IKBKB-DT: variants seen among roughly 807,000 people sequenced by gnomAD.
IKBKB-DT encodes IKBKB antisense RNA.
chr8:42,269,395 G>GA (rs796748304), intron 1 of IKBKB-DT, among the ~76,000 whole-genome samples: 2 of 125,046 alleles, frequency 1.6e-5, no homozygotes, highest in Non-Finnish European at 1.6e-5. Flanking sequence ...AGAAAGGAAA[G>GA]AAAAAAAAGA....
At chr8:42,238,023 T>TGAA (rs1806946806) in intron 3 of IKBKB-DT, among the ~76,000 whole-genome samples, 1 of 29,372 alleles carries the variant, frequency 3.4e-5, no homozygotes, top group African/African-American at 1.7e-4. Flanking sequence ...AGGCCCTCTC[T>TGAA]CAAAAAAAAA....
chr8:42,248,300 A>G (rs1482374756), intron 3 of IKBKB-DT, among the ~76,000 whole-genome samples: 6 of 152,086 alleles, frequency 3.9e-5, no homozygotes, highest in Admixed American at 3.9e-4. Context: ...CCTGGTGTAC[A>G]GCCTGATTCC....
intron 3 of IKBKB-DT, among the ~76,000 whole-genome samples, chr8:42,251,810 T>C (rs56719912): frequency 0.029 from 3,702 of 126,400 alleles, 143 homozygotes; most frequent in African/African-American, 0.1. Context: ...GCCTAGGCAA[T>C]AGAGCAAGAC....
intron 1 of IKBKB-DT, among the ~76,000 whole-genome samples, chr8:42,268,708 A>G (rs1240266912): frequency 1.3e-5 from 2 of 150,820 alleles, no homozygotes; most frequent in South Asian, 2.1e-4. Context: ...CTGGGATTAT[A>G]GGCACCTGCC....
intron 3 of IKBKB-DT, among the ~76,000 whole-genome samples, chr8:42,234,818 T>A (rs1373676151): frequency 6.6e-6 from 1 of 152,128 alleles, no homozygotes; most frequent in Non-Finnish European, 1.5e-5. Context: ...TCAATAGAGA[T>A]GGCATTTCAC....
chr8:42,237,464 G>A (rs1369691119), intron 3 of IKBKB-DT, among the ~76,000 whole-genome samples: 2 of 152,168 alleles, frequency 1.3e-5, no homozygotes, highest in African/African-American at 2.4e-5. Context: ...GTATAATGGG[G>A]CATATCTGAC....
chr8:42,262,071 G>A (rs1305844313), intron 3 of IKBKB-DT, among the ~76,000 whole-genome samples: 1 of 146,770 alleles, frequency 6.8e-6, no homozygotes, highest in African/African-American at 2.5e-5. Context: ...CATTTCACCA[G>A]AGTCACTGTC....
At chr8:42,248,911 C>G (rs1807096108) in intron 3 of IKBKB-DT, 1 of 150,862 alleles carries the variant, frequency 6.6e-6, no homozygotes, top group South Asian at 2.1e-4. Context: ...AAATTTGCAT[C>G]ACAAAACAGA....
At chr8:42,240,872 G>A (rs1294105384) in intron 3 of IKBKB-DT, among the ~76,000 whole-genome samples, 1 of 152,068 alleles carries the variant, frequency 6.6e-6, no homozygotes, top group African/African-American at 2.4e-5. Context: ...CTACCTGGGA[G>A]GCTGAGGCAG....
chr8:42,257,731 C>T (rs1307009546), intron 3 of IKBKB-DT, among the ~76,000 whole-genome samples: 5 of 151,808 alleles, frequency 3.3e-5, no homozygotes, highest in South Asian at 4.1e-4. Context: ...CCCACGAGTT[C>T]GACATCAGCC....
intron 3 of IKBKB-DT, among the ~76,000 whole-genome samples, chr8:42,242,917 G>A (rs62507975): frequency 9.2e-5 from 14 of 152,312 alleles, no homozygotes; most frequent in African/African-American, 3.1e-4. Context: ...CAAAATGCAG[G>A]GTCTGTCAGT....
chr8:42,239,632 A>ATATT (rs774065371), intron 3 of IKBKB-DT, among the ~76,000 whole-genome samples: 13 of 86,960 alleles, frequency 1.5e-4, no homozygotes, highest in East Asian at 3.4e-4. Context: ...ATATATATAT[A>ATATT]TATTTATTTA....
chr8:42,244,058 G>A (rs975999873), intron 3 of IKBKB-DT, among the ~76,000 whole-genome samples: 1 of 152,062 alleles, frequency 6.6e-6, no homozygotes, highest in Non-Finnish European at 1.5e-5. Context: ...ATTATCCTTG[G>A]GATAACTGTT....
At chr8:42,235,953 G>A (rs1416660754) in intron 3 of IKBKB-DT, among the ~76,000 whole-genome samples, 2 of 152,030 alleles carry the variant, frequency 1.3e-5, no homozygotes, top group Non-Finnish European at 2.9e-5. Context: ...GGTGGGGGTT[G>A]GGGGGCGGAG....
chr8:42,255,944 T>A (rs1447868416), intron 3 of IKBKB-DT, among the ~76,000 whole-genome samples: 1 of 151,436 alleles, frequency 6.6e-6, no homozygotes, highest in Non-Finnish European at 1.5e-5. Context: ...GAGAATCGCT[T>A]GAACCCGGGA....
intron 3 of IKBKB-DT, among the ~76,000 whole-genome samples, chr8:42,255,953 G>C (rs1426066860): frequency 6.6e-6 from 1 of 151,364 alleles, no homozygotes; most frequent in Non-Finnish European, 1.5e-5. Context: ...TTGAACCCGG[G>C]AGGTGGAGGT....
intron 3 of IKBKB-DT, among the ~76,000 whole-genome samples, chr8:42,252,625 C>G (rs77713371): frequency 0.014 from 2,151 of 152,282 alleles, 23 homozygotes; most frequent in Non-Finnish European, 0.024. Context: ...CGCTGGCCTC[C>G]CAATGTGCTG....
At chr8:42,254,783 G>T (rs1202845953) in intron 3 of IKBKB-DT, among the ~76,000 whole-genome samples, 1 of 150,274 alleles carries the variant, frequency 6.7e-6, no homozygotes. Context: ...AACTGTCTGG[G>T]AAGTAAGGAG....
chr8:42,248,954 G>T (rs530135089), intron 3 of IKBKB-DT: 7 of 151,820 alleles, frequency 4.6e-5, no homozygotes, highest in Admixed American at 3.9e-4. Context: ...TATTGCAAAA[G>T]GACTCTGCTT....
Sources: allele counts gnomAD v4.1 joint callset (sites outside exome capture counted in the v4.1 genomes callset), GRCh38; gene constraint gnomAD v4.1.1; transcripts MANE v1.5; gene names NCBI Gene and HGNC (gene_info 2026-07-23, HGNC 2026-07-21).